Variants in WDR36 observed in about 807,000 individuals in gnomAD.
WDR36 encodes the protein WD repeat-containing protein 36.
In WDR36, 63 loss-of-function variants were observed where a neutral mutation model predicts 112.7. The ratio of observed to expected loss-of-function variants is 0.56; its 90% CI spans 0.46 to 0.69. The LOEUF is 0.69. Among genes scored for constraint, WDR36 ranks in the 30% least tolerant of loss-of-function variants. The pLI is 0.00. For synonymous variants in WDR36, 410 were observed against 362.2 expected, an observed-to-expected ratio of 1.13 and a Z score of -1.50; for missense variants, 1,226 against 1,070.3, an observed-to-expected ratio of 1.15 and a Z score of -2.03.
rs1753168585 is a variant in WDR36 at position 111,103,867 on chromosome 5, A to G, written c.679A>G (p.Met227Val). 6.2e-7 allele frequency: 1 copy of G among 1,611,308 alleles called. No homozygotes were observed. The highest frequency in any genetic ancestry group is 1.3e-5 in the African/African-American group (1 of 74,728). ...CAACATTAAATTTAATGAAACATTAATGAAGTTTCGTCAAGACTGGGGACC... is the reference window on the plus strand; with the variant it reads ...CAACATTAAATTTAATGAAACATTAGTGAAGTTTCGTCAAGACTGGGGACC... The part of the protein sequence containing the change: ...IHNIKFNETL[M>V]KFRQDWGPIT... The change falls in exon 7 of 23, where the codon ATG (methionine) becomes GTG (valine). Residue 227 changes from methionine (M) to valine (V), a missense_variant. Met to Val is a conservative substitution (Grantham distance 21). Coordinates refer to ENST00000513710, the MANE Select transcript of WDR36 (RefSeq NM_139281.3).
intron 1 of WDR36, among the ~76,000 whole-genome samples, chr5:111,093,231 A>G (rs1752905384): frequency 6.6e-6 from 1 of 152,226 alleles, no homozygotes; most frequent in Non-Finnish European, 1.5e-5. Context: ...CTTGTTAGTG[A>G]TGATTTTTTC....
At chr5:111,106,417 A>G (rs1339247103) in intron 11 of WDR36, among the ~76,000 whole-genome samples, 3 of 151,504 alleles carry the variant, frequency 2.0e-5, no homozygotes, top group South Asian at 2.1e-4. Context: ...TATGCCTGGT[A>G]TAATGAAAGT....
intron 10 of WDR36, 79 bp downstream of exon 10, chr5:111,105,439 C>T (rs1753205361): frequency 7.6e-7 from 1 of 1,308,328 alleles, no homozygotes; most frequent in East Asian, 2.4e-5. Context: ...GAGGAAGTTT[C>T]ATCAATGCAT....
At chr5:111,111,724 G>C (rs910959824) in intron 15 of WDR36, among the ~76,000 whole-genome samples, 21 of 151,534 alleles carry the variant, frequency 1.4e-4, no homozygotes, top group African/African-American at 1.9e-4. Context: ...ACTCTGAAAG[G>C]GTTTAATTAA....
chr5:111,094,894 T>G, intron 1 of WDR36, 26 bp from the exon 2 acceptor site: 1 of 1,569,630 alleles, frequency 6.4e-7, no homozygotes, highest in Non-Finnish European at 8.7e-7. Context: ...TTAATGAAAA[T>G]TTAACCTTTT....
intron 17 of WDR36, among the ~76,000 whole-genome samples, chr5:111,119,683 T>TGTATTGGGTAAAAGAAACTTTATAC (rs1753526176): frequency 6.6e-6 from 1 of 151,748 alleles, no homozygotes; most frequent in African/African-American, 2.4e-5. Flanking sequence ...TAACTTTATA[T>TGTATTGGGTAAAAGAAACTTTATAC]CTGTATTGGG....
At chr5:111,104,407 A>C in intron 8 of WDR36, 55 bp downstream of exon 8, 1 of 1,604,878 alleles carries the variant, frequency 6.2e-7, no homozygotes. Context: ...CCTTTGGGTT[A>C]TTACAAGCTT....
chr5:111,102,449 C>A (rs774890985), intron 6 of WDR36, 50 bp downstream of exon 6: 8 of 1,539,160 alleles, frequency 5.2e-6, no homozygotes, highest in Non-Finnish European at 7.2e-6. Context: ...ATAGGAAAAT[C>A]CTTCAGTTTC....
At position 111,124,015 on chromosome 5, in the gene WDR36, T is replaced by C. The variant is rs759830382; in HGVS notation, c.2268+91T>C. On this transcript the variant is annotated intron_variant, in intron 20 of 22. Transcript: ENST00000513710. ...TTACCAAGACCTAGTTTTACAGATATAGGGTAAATTAATGATAGCTTTTAA... is the reference window on the plus strand; with the variant it reads ...TTACCAAGACCTAGTTTTACAGATACAGGGTAAATTAATGATAGCTTTTAA... 82 of 1,600,356 alleles carry C rather than the reference T, an allele frequency of 5.1e-5. 1 individual carries two copies. Among genetic ancestry groups the C allele is most frequent in the Non-Finnish European group, 5.7e-5 (67 of 1,169,418 alleles).
rs776472171 is a variant in WDR36, at chr5:111,113,100, A to G, written c.1743A>G (p.Leu581=). 6.5e-6 allele frequency: 10 copies of G among 1,530,686 alleles called. No homozygotes were observed. The highest frequency in any genetic ancestry group is 8.8e-6 in the Non-Finnish European group (10 of 1,134,458). The allele number at this position is 1,530,686 out of a possible 1,614,324, so 94.8% of individuals were successfully genotyped here. A position where few individuals can be genotyped will look rare whatever the true frequency, so the allele number is the denominator to read the frequency against. ...CTTTTAGTCCTGATGGTCGTTGGTT[A>G]ATAAGTGCTGCGATGGATTGCTCTA... ...DMAFSPDGRW[L]ISAAMDCSIR... The change falls in exon 16 of 23, where the codon TTA becomes TTG. Residue 581 remains leucine (L), a synonymous_variant. Transcript: ENST00000513710.
Position 111,098,824 on chromosome 5 carries a change from C to G in WDR36, c.394C>G (p.His132Asp). The change falls in exon 4 of 23, where the codon CAC becomes GAC. Residue 132 changes from histidine to aspartate, a missense_variant. Physicochemically the swap from His to Asp is moderately conservative, Grantham distance 81. Coordinates refer to ENST00000513710, the MANE Select transcript of WDR36 (RefSeq NM_139281.3). ...TACTGATGGCATTCTTATTATTTGG[C>G]ACATATATTCAGAAGGTAAGAGTTA... is the stretch of plus-strand genomic sequence containing the variant. ...VDTDGILIIW[H>D]IYSEEEYLQL... 6.3e-7 allele frequency: 1 copy of G among 1,595,680 alleles called. No individual in the cohort carries two copies. Among genetic ancestry groups the G allele is most frequent in the Non-Finnish European group, 8.6e-7 (1 of 1,163,630 alleles).
intron 16 of WDR36, among the ~76,000 whole-genome samples, chr5:111,114,683 C>A (rs1439787492): frequency 6.6e-6 from 1 of 151,684 alleles, no homozygotes; most frequent in African/African-American, 2.4e-5. Context: ...GTTGGTATTT[C>A]TTCAATTAAA....
Position 111,107,462 on chromosome 5 carries a change from G to C in WDR36, c.1326+23G>C, listed in dbSNP as rs751608163. The stretch of plus-strand genomic sequence containing the variant: ...ACAGTAAGTGAGCTTGTTTATAAGA[G>C]TATCTTCTCTTTAAAACTTTCCTAT... On this transcript the variant is annotated intron_variant, in intron 12 of 22. Transcript: ENST00000513710. 1.8e-5 allele frequency: 29 copies of C among 1,607,916 alleles called. No individual in the cohort carries two copies. The South Asian group carries it at 3.2e-4, about 18-fold the overall frequency.
At chr5:111,098,975 G>A (rs1205682992) in intron 4 of WDR36, 136 bp downstream of exon 4, 6 of 664,546 alleles carry the variant, frequency 9.0e-6, no homozygotes, top group South Asian at 5.3e-5. Flanking sequence ...AATCTTTAAC[G>A]TGTAAGAAAA....
At chr5:111,102,302 A>AC in intron 5 of WDR36, 43 bp from the exon 6 acceptor site, 1 of 555,686 alleles carries the variant, frequency 1.8e-6, no homozygotes, top group Non-Finnish European at 2.6e-6. Flanking sequence ...GTTTTCCTCC[A>AC]AAAAAAAAAA....
intron 19 of WDR36, 64 bp downstream of exon 19, chr5:111,121,205 CAG>C: frequency 6.3e-7 from 1 of 1,576,250 alleles, no homozygotes; most frequent in Non-Finnish European, 8.7e-7. Flanking sequence ...TTTTTTTAAG[CAG>C]AGAGAACTTC....
At chr5:111,102,939 C>T (rs578171100) in intron 6 of WDR36, among the ~76,000 whole-genome samples, 35 of 151,696 alleles carry the variant, frequency 2.3e-4, no homozygotes, top group African/African-American at 8.4e-4. Flanking sequence ...CCACTATACC[C>T]TTATCTTTTT....
rs1378950739 is a variant in WDR36 at position 111,097,166 on chromosome 5, C to T, written c.278C>T (p.Ala93Val). 3.1e-6 allele frequency: 5 copies of T among 1,612,774 alleles called. No individual in the cohort carries two copies. The highest frequency in any genetic ancestry group is 2.2e-5 in the East Asian group (1 of 44,830). ...TATGGAAATGTTTTCTCTGCATTTGCCCGTAATAAAGAGGTTGGTATCGCT... is the reference window on the plus strand; with the variant it reads ...TATGGAAATGTTTTCTCTGCATTTGTCCGTAATAAAGAGGTTGGTATCGCT... ...AAYGNVFSAFARNKEIVHTFK... is the reference protein window; with the variant it reads ...AAYGNVFSAFVRNKEIVHTFK... Residue 93 changes from alanine (A) to valine (V), a missense_variant, in exon 3 of 23, where the codon GCC (alanine) becomes GTC (valine). Ala to Val is a moderately conservative substitution (Grantham distance 64). Coordinates refer to ENST00000513710, the MANE Select transcript of WDR36 (RefSeq NM_139281.3).
At chr5:111,109,436 G>A (rs929313331) in intron 12 of WDR36, among the ~76,000 whole-genome samples, 1 of 151,066 alleles carries the variant, frequency 6.6e-6, no homozygotes, top group African/African-American at 2.4e-5. Flanking sequence ...ACTTTATGTT[G>A]CTTTGCTTAG....
Sources: allele counts gnomAD v4.1 joint callset (sites outside exome capture counted in the v4.1 genomes callset), GRCh38; gene constraint gnomAD v4.1.1; transcripts MANE v1.5; gene names NCBI Gene and HGNC (gene_info 2026-07-23, HGNC 2026-07-21).